Variants in SLC1A2 observed in about 807,000 individuals in gnomAD.
SLC1A2 encodes the protein excitatory amino acid transporter 2.
A neutral mutation model predicts 48.8 loss-of-function variants in SLC1A2; 15 were observed. The ratio of observed to expected loss-of-function variants is 0.31; its 90% CI spans 0.21 to 0.47. The LOEUF is 0.47. Among genes scored for constraint, SLC1A2 ranks in the 20% least tolerant of loss-of-function variants. The probability of loss-of-function intolerance (pLI) is 0.99; values close to 1 mark genes in which losing one functional copy is unlikely to be tolerated. For synonymous variants in SLC1A2, 279 were observed against 272.6 expected (o/e 1.02, Z -0.23); for missense variants, 502 against 730.5 (o/e 0.69, Z 3.61).
chr11:35,407,100 A>C (rs983421400), intron 1 of SLC1A2, among the ~76,000 whole-genome samples: 4 of 151,908 alleles, frequency 2.6e-5, no homozygotes, highest in African/African-American at 4.8e-5. Flanking sequence ...AAAAAAAAAA[A>C]CAGCAAGCAC....
chr11:35,369,673 C>T (rs1853991645), intron 1 of SLC1A2, among the ~76,000 whole-genome samples: 2 of 152,178 alleles, frequency 1.3e-5, no homozygotes. Context: ...CTTCAAGATT[C>T]AATACATTTA....
chr11:35,273,110 G>A (rs1850330899), intron 9 of SLC1A2, among the ~76,000 whole-genome samples: 1 of 152,096 alleles, frequency 6.6e-6, no homozygotes, highest in African/African-American at 2.4e-5. Context: ...CATATAAAAA[G>A]GTCAAATATT....
chr11:35,288,813 T>G (rs1191602450), intron 7 of SLC1A2, among the ~76,000 whole-genome samples: 1 of 148,278 alleles, frequency 6.7e-6, no homozygotes, highest in Non-Finnish European at 1.5e-5. Context: ...ATTGCATTTA[T>G]TTTTCCAAAA....
intron 2 of SLC1A2, chr11:35,315,919 T>C (rs935355021): frequency 6.6e-6 from 1 of 152,226 alleles, no homozygotes; most frequent in African/African-American, 2.4e-5. Flanking sequence ...ATTTAATGTG[T>C]GTCTTCTCAT....
chr11:35,349,020 G>A (rs1426440108), intron 1 of SLC1A2, among the ~76,000 whole-genome samples: 1 of 152,152 alleles, frequency 6.6e-6, no homozygotes, highest in Non-Finnish European at 1.5e-5. Context: ...AAGAGGAAAG[G>A]GGAGAGGATA....
At chr11:35,328,217 A>G (rs928376748) in intron 1 of SLC1A2, among the ~76,000 whole-genome samples, 1 of 152,108 alleles carries the variant, frequency 6.6e-6, no homozygotes, top group Non-Finnish European at 1.5e-5. Context: ...TCCTATTCCC[A>G]CTGACTCAGC....
In SLC1A2 at chr11:35,253,651, G is replaced by A. The variant is rs1383197512; in HGVS notation, c.*7243C>T. Reference sequence around the variant, plus strand: ...ATTTAAGCAATTCCTTGTTCTTAATGGTTCATTTTGTTTATTGCATCACTA... The same window carrying A: ...ATTTAAGCAATTCCTTGTTCTTAATAGTTCATTTTGTTTATTGCATCACTA... On this transcript the variant is annotated 3_prime_UTR_variant, in exon 11 of 11. Transcript: ENST00000278379. The A allele has an allele frequency of 1.3e-5, 2 of 152,588 alleles. No homozygotes were observed. The highest frequency in any genetic ancestry group is 2.9e-5 in the Non-Finnish European group (2 of 68,006). 9.5% of individuals were successfully genotyped at this position (152,588 alleles called of 1,614,324 possible).
intron 1 of SLC1A2, chr11:35,380,541 G>A (rs1181984257): frequency 5.0e-6 from 2 of 397,388 alleles, no homozygotes; most frequent in Non-Finnish European, 8.9e-6. Flanking sequence ...TCTACAGCGA[G>A]CTGCAAAAAG....
At chr11:35,332,738 CA>C (rs1233652465) in intron 1 of SLC1A2, among the ~76,000 whole-genome samples, 1 of 152,318 alleles carries the variant, frequency 6.6e-6, no homozygotes, top group East Asian at 1.9e-4. Flanking sequence ...AACACACACT[CA>C]GCCCATTGTC....
intron 5 of SLC1A2, among the ~76,000 whole-genome samples, chr11:35,303,639 AT>A (rs1281511943): frequency 6.6e-6 from 1 of 152,224 alleles, no homozygotes; most frequent in Non-Finnish European, 1.5e-5. Flanking sequence ...TGCCCGAGGT[AT>A]CAAGGTCCCA....
In SLC1A2 at chr11:35,265,512, G is replaced by A. The variant is rs1950466867; in HGVS notation, c.1653+15C>T. ...ACTATATACAAGTCTCGATATCCAT[G>A]AATGGGAAATGTACCTTGCATTCAT... On this transcript the variant is annotated intron_variant, in intron 10 of 10. Coordinates refer to ENST00000278379, the MANE Select transcript of SLC1A2 (RefSeq NM_004171.4). 1.5e-6 allele frequency: 2 copies of A among 1,337,404 alleles called. No homozygotes were observed. Among genetic ancestry groups the A allele is most frequent in the Non-Finnish European group, 2.2e-6 (2 of 928,330 alleles). The allele number at this position is 1,337,404 out of a possible 1,614,324, so 82.8% of individuals were successfully genotyped here.
chr11:35,295,166 G>C (rs1183499973), intron 6 of SLC1A2, among the ~76,000 whole-genome samples: 2 of 152,030 alleles, frequency 1.3e-5, no homozygotes, highest in Non-Finnish European at 2.9e-5. Context: ...TTTCACCTCA[G>C]CCTCCTGAGT....
chr11:35,305,568 AAACAAGAT>A (rs1035667366), intron 5 of SLC1A2, among the ~76,000 whole-genome samples: 1 of 152,184 alleles, frequency 6.6e-6, no homozygotes, highest in Non-Finnish European at 1.5e-5. Flanking sequence ...CCAGAAAGTA[AAACAAGAT>A]AACAAGATAA....
chr11:35,382,396 A>T (rs187941931), intron 1 of SLC1A2, among the ~76,000 whole-genome samples: 1 of 152,370 alleles, frequency 6.6e-6, no homozygotes, highest in Admixed American at 6.5e-5. Context: ...AGGGGCAACT[A>T]GACCAGTGAA....
chr11:35,341,808 T>C (rs2135037712), intron 1 of SLC1A2, among the ~76,000 whole-genome samples: 1 of 152,328 alleles, frequency 6.6e-6, no homozygotes, highest in South Asian at 2.1e-4. Flanking sequence ...TTCACAAAGA[T>C]GTCGATTCTT....
At chr11:35,358,385 G>C (rs1270383040) in intron 1 of SLC1A2, among the ~76,000 whole-genome samples, 1 of 152,090 alleles carries the variant, frequency 6.6e-6, no homozygotes, top group Non-Finnish European at 1.5e-5. Context: ...GTTTTTAAAA[G>C]CTGAAACTAT....
intron 1 of SLC1A2, among the ~76,000 whole-genome samples, chr11:35,322,239 T>TAATA (rs1852095916): frequency 6.6e-6 from 1 of 152,212 alleles, no homozygotes; most frequent in South Asian, 2.1e-4. Flanking sequence ...AAGCTCAGCT[T>TAATA]ATCGTGCAAA....
rs1853631706 is a variant in SLC1A2 at position 35,360,324 on chromosome 11, A to G, written c.18-42808T>C. ...CCTTTGATGTCCCTTTTCTCTCCTT[A>G]GGCAAGAACCATGGCTGTTTCCCTC... is the stretch of plus-strand genomic sequence containing the variant. On this transcript the variant is annotated intron_variant, in intron 1 of 10. Coordinates refer to ENST00000278379, the MANE Select transcript of SLC1A2 (RefSeq NM_004171.4). Among the ~76,000 whole-genome samples, 3 of 152,322 alleles carry G rather than the reference A, an allele frequency of 2.0e-5. No homozygotes were observed. The East Asian group carries it at 5.8e-4, about 29-fold the overall frequency.
intron 1 of SLC1A2, chr11:35,399,603 G>A (rs890429477): frequency 1.0e-6 from 1 of 984,366 alleles, no homozygotes; most frequent in African/African-American, 1.7e-5. Context: ...GCAGATAGAT[G>A]ATGCGTTTTC....
Sources: allele counts gnomAD v4.1 joint callset (sites outside exome capture counted in the v4.1 genomes callset), GRCh38; gene constraint gnomAD v4.1.1; transcripts MANE v1.5; gene names NCBI Gene and HGNC (gene_info 2026-07-23, HGNC 2026-07-21).